Variants in RABGAP1 observed in about 807,000 individuals in gnomAD.
The protein encoded by RABGAP1 is rab GTPase-activating protein 1.
A neutral mutation model predicts 137.6 loss-of-function variants in RABGAP1; 23 were observed. That is an observed-to-expected ratio of 0.17 (90% CI 0.12 to 0.24). The LOEUF is 0.24. Ranked by LOEUF, RABGAP1 falls within the 10% of genes least tolerant of loss-of-function variation. RABGAP1 has a pLI of 1.00. For missense variants in RABGAP1, 906 were observed against 1,275.8 expected (o/e 0.71, Z 4.42); for synonymous variants, 451 against 450.7 (o/e 1.00, Z -0.01).
intron 2 of RABGAP1, among the ~76,000 whole-genome samples, chr9:122,959,364 C>CAAAAAA (rs33932737): frequency 1.9e-5 from 2 of 107,726 alleles, no homozygotes; most frequent in Admixed American, 1.1e-4. Flanking sequence ...TGGGGCTTTA[C>CAAAAAA]AAAAAAAAAA....
chr9:123,034,308 A>G (rs1344689147), intron 13 of RABGAP1: 6 of 523,992 alleles, frequency 1.1e-5, no homozygotes, highest in South Asian at 6.4e-5. Flanking sequence ...TGCTATGTGT[A>G]TGGTGAACCT....
chr9:123,003,005 G>C (rs999322721), intron 10 of RABGAP1, among the ~76,000 whole-genome samples: 1 of 152,098 alleles, frequency 6.6e-6, no homozygotes, highest in East Asian at 1.9e-4. Context: ...GTGTTTGTGC[G>C]GGGATTTAGG....
At chr9:122,957,448 T>C (rs543671920) in intron 2 of RABGAP1, among the ~76,000 whole-genome samples, 1 of 152,344 alleles carries the variant, frequency 6.6e-6, no homozygotes, top group East Asian at 1.9e-4. Flanking sequence ...GTGGTTATAG[T>C]ATAAACATTT....
intron 1 of RABGAP1, among the ~76,000 whole-genome samples, chr9:122,941,672 C>G (rs1397609543): frequency 6.6e-6 from 1 of 152,246 alleles, no homozygotes; most frequent in African/African-American, 2.4e-5. Context: ...TCCCAGTCTT[C>G]TCATCTCCTT....
intron 13 of RABGAP1, among the ~76,000 whole-genome samples, chr9:123,039,839 T>C (rs1233016345): frequency 2.0e-5 from 3 of 152,156 alleles, no homozygotes; most frequent in African/African-American, 7.2e-5. Context: ...ACTTCCTATG[T>C]GGTTTTGCTT....
chr9:122,984,755 TA>T, intron 3 of RABGAP1, 36 bp downstream of exon 3: 1 of 1,574,820 alleles, frequency 6.3e-7, no homozygotes, highest in Non-Finnish European at 8.7e-7. Context: ...AACTGAAGGT[TA>T]TTGTTTTTAA....
chr9:122,998,193 G>A (rs182209493), intron 9 of RABGAP1, among the ~76,000 whole-genome samples: 135 of 151,998 alleles, frequency 8.9e-4, no homozygotes, highest in African/African-American at 2.9e-3. Context: ...TGCACCTCCC[G>A]GGTTTAAGTG....
At chr9:123,093,433 C>T (rs1206921383) in intron 21 of RABGAP1, among the ~76,000 whole-genome samples, 1 of 152,162 alleles carries the variant, frequency 6.6e-6, no homozygotes, top group Non-Finnish European at 1.5e-5. Context: ...GTCCGAGTCC[C>T]CTCTAGCAGG....
intron 2 of RABGAP1, among the ~76,000 whole-genome samples, chr9:122,967,543 C>T (rs1835227905): frequency 6.6e-6 from 1 of 152,138 alleles, no homozygotes; most frequent in Non-Finnish European, 1.5e-5. Flanking sequence ...ATTAAGACAG[C>T]AGTAAATATG....
At chr9:123,002,447 A>C (rs185649921) in intron 10 of RABGAP1, among the ~76,000 whole-genome samples, 10 of 150,806 alleles carry the variant, frequency 6.6e-5, no homozygotes, top group African/African-American at 2.4e-4. Flanking sequence ...AGTTCTGTTT[A>C]ATTAGCATTC....
chr9:123,045,831 C>T (rs1026456755), intron 13 of RABGAP1, among the ~76,000 whole-genome samples: 1 of 152,090 alleles, frequency 6.6e-6, no homozygotes, highest in African/African-American at 2.4e-5. Context: ...GATAATACTA[C>T]CTCATTAGAA....
rs2034317623 is a variant in RABGAP1 at position 123,070,443 on chromosome 9, G to C, written c.1983+19G>C. The C allele has an allele frequency of 1.9e-6, 3 of 1,613,884 alleles. No homozygotes were observed. In the African/African-American group the frequency reaches 4.0e-5, roughly 22 times the overall value. On this transcript the variant is annotated intron_variant, in intron 15 of 25. Transcript: ENST00000373647. This position sits in a 1 kb window ranked among gnomAD's most constrained non-coding sequence, Gnocchi z 4.4. Reference sequence around the variant, plus strand: ...TCTCCATGTGAGTAATTAGGTCTCTGTTATGACTTAACACATGGCCTCCCT... The same window carrying C: ...TCTCCATGTGAGTAATTAGGTCTCTCTTATGACTTAACACATGGCCTCCCT...
chr9:122,956,350 C>G (rs997629546), intron 1 of RABGAP1, among the ~76,000 whole-genome samples: 3 of 151,424 alleles, frequency 2.0e-5, no homozygotes, highest in Admixed American at 6.6e-5. Context: ...CCTTATTGTG[C>G]CCTCACAATA....
chr9:123,088,376 CTGTT>C (rs2034933602), intron 19 of RABGAP1, among the ~76,000 whole-genome samples: 1 of 151,792 alleles, frequency 6.6e-6, no homozygotes, highest in African/African-American at 2.4e-5. Flanking sequence ...TTGCACACAT[CTGTT>C]TTTTTTTTAA....
chr9:123,020,775 T>A (rs2131929089), intron 13 of RABGAP1: 1 of 386,290 alleles, frequency 2.6e-6, no homozygotes, highest in African/African-American at 2.2e-5. Context: ...TTTGATTATT[T>A]TAATACTTCT....
At chr9:122,963,583 A>G (rs1028890968) in intron 2 of RABGAP1, among the ~76,000 whole-genome samples, 8 of 152,232 alleles carry the variant, frequency 5.3e-5, no homozygotes, top group African/African-American at 1.9e-4. Context: ...GAAAATGCAG[A>G]TACAATATAC....
At chr9:122,947,078 A>G (rs1201379734) in intron 1 of RABGAP1, among the ~76,000 whole-genome samples, 2 of 152,180 alleles carry the variant, frequency 1.3e-5, no homozygotes, top group African/African-American at 2.4e-5. Context: ...TCCCCCCTAA[A>G]GACCCTATAA....
In RABGAP1 at chr9:123,099,442, G is replaced by A. The variant is rs1312915302; in HGVS notation, c.2818-36G>A. On this transcript the variant is annotated intron_variant, in intron 23 of 25. Transcript: ENST00000373647. ...GGAATTTATGCAGATGATTACAATT[G>A]CTCAAGAGATTGTTGTTTTATATTT... 3.2e-6 allele frequency: 5 copies of A among 1,546,110 alleles called. No individual in the cohort carries two copies. The South Asian group carries it at 4.5e-5, about 14-fold the overall frequency.
At chr9:123,005,691 G>A (rs1212451801) in intron 10 of RABGAP1, among the ~76,000 whole-genome samples, 3 of 152,138 alleles carry the variant, frequency 2.0e-5, no homozygotes, top group African/African-American at 7.2e-5. Context: ...GTTTCCAGTC[G>A]TTTGCTGTTC....
Sources: gnomAD v4.1 joint callset for allele counts (sites outside exome capture counted in the v4.1 genomes callset) on GRCh38, gnomAD v4.1.1 for gene constraint, Gnocchi (gnomAD v3.1) non-coding constraint, MANE v1.5 for transcripts, NCBI Gene and HGNC (gene_info 2026-07-23, HGNC 2026-07-21) for gene names.